The following ATP6V0E1 variants were observed in gnomAD, a reference collection of about 807,000 sequenced individuals.
ATP6V0E1 encodes the protein V-type proton ATPase subunit e 1.
In ATP6V0E1, 4 loss-of-function variants were observed where a neutral mutation model predicts 11.6. The ratio of observed to expected loss-of-function variants is 0.35; its 90% confidence interval spans 0.17 to 0.79. The LOEUF is 0.79. Among genes scored for constraint, ATP6V0E1 ranks in the 30% least tolerant of loss-of-function variants. ATP6V0E1 has a pLI of 0.54. For synonymous variants in ATP6V0E1, 36 were observed against 34.8 expected (o/e 1.04, Z -0.13); for missense variants, 105 against 100.0 (o/e 1.05, Z -0.21).
intron 1 of ATP6V0E1, among the ~76,000 whole-genome samples, chr5:172,985,031 G>A (rs1266704991): frequency 6.6e-6 from 1 of 152,176 alleles, no homozygotes; most frequent in East Asian, 1.9e-4. Context: ...CGGATCACGA[G>A]GTCAGGAGAT....
intron 1 of ATP6V0E1, among the ~76,000 whole-genome samples, chr5:172,985,017 C>T (rs1164624716): frequency 1.3e-5 from 2 of 152,148 alleles, no homozygotes; most frequent in African/African-American, 2.4e-5. Context: ...GAGGCCAAGG[C>T]GGGCGGATCA....
intron 2 of ATP6V0E1, among the ~76,000 whole-genome samples, chr5:173,018,287 CTATTA>C (rs1162401735): frequency 6.6e-6 from 1 of 152,072 alleles, no homozygotes; most frequent in Non-Finnish European, 1.5e-5. Context: ...AATATGTTTA[CTATTA>C]TATTAAGTGG....
At chr5:173,027,143 C>T (rs1479409937) in intron 3 of ATP6V0E1, among the ~76,000 whole-genome samples, 3 of 135,702 alleles carry the variant, frequency 2.2e-5, no homozygotes, top group South Asian at 2.5e-4. Context: ...TGTGCCACTG[C>T]GCTCCAGCCT....
chr5:173,030,693 C>A (rs1756636276), intron 3 of ATP6V0E1, among the ~76,000 whole-genome samples: 2 of 151,950 alleles, frequency 1.3e-5, no homozygotes, highest in Admixed American at 1.3e-4. Context: ...CGCCCCGCCT[C>A]CCAGAGTGCT....
At chr5:173,027,611 GGTTTTT>G (rs966410176) in intron 3 of ATP6V0E1, among the ~76,000 whole-genome samples, 30 of 151,698 alleles carry the variant, frequency 2.0e-4, no homozygotes, top group Non-Finnish European at 2.9e-4. Flanking sequence ...CGTACGTGTG[GGTTTTT>G]GTTTTTGTTT....
chr5:172,995,494 C>G (rs1307912314), intron 2 of ATP6V0E1, among the ~76,000 whole-genome samples: 1 of 152,154 alleles, frequency 6.6e-6, no homozygotes, highest in African/African-American at 2.4e-5. Context: ...TTTTGTTTAT[C>G]TGATGGACAG....
At chr5:173,003,313 T>G (rs919771791) in intron 2 of ATP6V0E1, among the ~76,000 whole-genome samples, 7 of 152,124 alleles carry the variant, frequency 4.6e-5, no homozygotes, top group Non-Finnish European at 8.8e-5. Flanking sequence ...TGGCTCTTGA[T>G]TTGTTTACTA....
intron 3 of ATP6V0E1, among the ~76,000 whole-genome samples, chr5:173,024,375 GTTTTGTTGTTGTTGTT>G (rs1035375483): frequency 1.1e-4 from 16 of 151,928 alleles, no homozygotes; most frequent in East Asian, 3.9e-4. Flanking sequence ...ATATGGTTGT[GTTTTGTTGTTGTTGTT>G]TTTTGTTGTT....
intron 1 of ATP6V0E1, among the ~76,000 whole-genome samples, chr5:172,989,141 C>T (rs1371954748): frequency 6.6e-6 from 1 of 152,098 alleles, no homozygotes; most frequent in East Asian, 1.9e-4. Context: ...AGAGACCAAG[C>T]CTGGGCAATA....
chr5:172,994,668 G>C (rs1756033498), intron 1 of ATP6V0E1, 107 bp from the exon 2 acceptor site: 2 of 885,294 alleles, frequency 2.3e-6, no homozygotes, highest in Non-Finnish European at 3.4e-6. Context: ...TTCTTGGTGT[G>C]CAATCCATGC....
chr5:173,034,749 C>A lies in ATP6V0E1; in HGVS notation c.*387C>A, dbSNP rs1756713791. ...TGTTTAGAAACTGCTGCAAGACAAA[C>A]AAGACTCCAGTGGGGTGGTCAGTAG... On this transcript the variant is annotated 3_prime_UTR_variant, in exon 4 of 4. Transcript: ENST00000519374. 5 of 333,968 alleles carry A rather than the reference C, an allele frequency of 1.5e-5. No individual in the cohort carries two copies. Among genetic ancestry groups the A allele is most frequent in the Admixed American group, 1.3e-4 (3 of 23,378 alleles). The allele number at this position is 333,968 out of a possible 1,614,324, so 20.7% of individuals were successfully genotyped here.
intron 3 of ATP6V0E1, among the ~76,000 whole-genome samples, chr5:173,026,333 A>C (rs1756557927): frequency 6.6e-6 from 1 of 152,092 alleles, no homozygotes; most frequent in Non-Finnish European, 1.5e-5. Context: ...CAGTTTCGTC[A>C]CCAGTTTGAT....
At position 172,999,445 on chromosome 5, in the gene ATP6V0E1, T is replaced by A. The variant is rs111978442; in HGVS notation, c.152+4623T>A. Among the ~76,000 whole-genome samples, 566 of 152,186 alleles carry A rather than the reference T, an allele frequency of 3.7e-3. 2 individuals carry two copies. The highest frequency in any genetic ancestry group is 0.013 in the African/African-American group (542 of 41,552). On this transcript the variant is annotated intron_variant, in intron 2 of 3. Coordinates refer to ENST00000519374, the MANE Select transcript of ATP6V0E1 (RefSeq NM_003945.4). ...CTGAAGCAATCTTCCTGCCTCAGCC[T>A]CCTGAGTAGCTGGGACTACAGACAT...
At chr5:173,002,293 T>G (rs1225681292) in intron 2 of ATP6V0E1, among the ~76,000 whole-genome samples, 2 of 152,248 alleles carry the variant, frequency 1.3e-5, no homozygotes, top group Admixed American at 1.3e-4. Context: ...ATTGTCTCAT[T>G]ATTTTACAGC....
intron 1 of ATP6V0E1, among the ~76,000 whole-genome samples, chr5:172,985,009 G>A (rs1032460879): frequency 1.3e-5 from 2 of 152,190 alleles, no homozygotes; most frequent in Non-Finnish European, 2.9e-5. Context: ...CACTTTGGGA[G>A]GCCAAGGCGG....
At chr5:172,987,439 A>G (rs1197282316) in intron 1 of ATP6V0E1, among the ~76,000 whole-genome samples, 1 of 151,982 alleles carries the variant, frequency 6.6e-6, no homozygotes, top group Admixed American at 6.6e-5. Flanking sequence ...GCCCACCACC[A>G]TGCCTGGCTA....
chr5:172,983,849 C>A lies in ATP6V0E1; in HGVS notation c.-12C>A. On this transcript the variant is annotated 5_prime_UTR_variant, in exon 1 of 4. Transcript: ENST00000519374. Reference sequence around the variant, plus strand: ...AGGCGACGGGGTAGGGGTTGGCGCTCAGGCGGCGACCATGGCGTATCACGG... The same window carrying A: ...AGGCGACGGGGTAGGGGTTGGCGCTAAGGCGGCGACCATGGCGTATCACGG... 1 of 1,613,254 alleles carries A rather than the reference C, an allele frequency of 6.2e-7. No homozygotes were observed. Among genetic ancestry groups the A allele is most frequent in the Non-Finnish European group, 8.5e-7 (1 of 1,179,400 alleles).
chr5:172,987,509 C>G (rs914546335), intron 1 of ATP6V0E1, among the ~76,000 whole-genome samples: 1 of 152,028 alleles, frequency 6.6e-6, no homozygotes, highest in African/African-American at 2.4e-5. Context: ...GTCTTGAACT[C>G]CTGACCTCAG....
chr5:172,991,386 G>A (rs1376221848), intron 1 of ATP6V0E1, among the ~76,000 whole-genome samples: 1 of 152,146 alleles, frequency 6.6e-6, no homozygotes, highest in African/African-American at 2.4e-5. Flanking sequence ...TTAATATTAA[G>A]CAGGTAATAC....
Sources: allele counts gnomAD v4.1 joint callset (sites outside exome capture counted in the v4.1 genomes callset), GRCh38; gene constraint gnomAD v4.1.1; transcripts MANE v1.5; gene names NCBI Gene and HGNC (gene_info 2026-07-23, HGNC 2026-07-21).